MPZL1: variants seen among roughly 807,000 people sequenced by gnomAD.
MPZL1 encodes the protein myelin protein zero like 1.
MPZL1 carries 16 observed loss-of-function variants against 29.3 expected under a neutral mutation model. The observed-to-expected ratio is 0.55, with a 90% CI of 0.37 to 0.83. The LOEUF is 0.83. MPZL1 is among the 40% of genes least tolerant of loss of function. The pLI is 0.00. For missense variants in MPZL1, 279 were observed against 332.9 expected, an observed-to-expected ratio of 0.84 and a Z score of 1.26; for synonymous variants, 143 against 132.0, an observed-to-expected ratio of 1.08 and a Z score of -0.57.
At chr1:167,733,437 G>A (rs886792802) in intron 1 of MPZL1, among the ~76,000 whole-genome samples, 6 of 152,178 alleles carry the variant, frequency 3.9e-5, no homozygotes, top group African/African-American at 1.4e-4. Flanking sequence ...ACTTTTCACA[G>A]TCATGTGGTG....
intron 1 of MPZL1, among the ~76,000 whole-genome samples, chr1:167,730,459 AG>A (rs1361712435): frequency 2.0e-5 from 3 of 152,028 alleles, no homozygotes; most frequent in East Asian, 1.9e-4. Context: ...TTGTGTTTTT[AG>A]TAGAGACAGG....
chr1:167,776,289 G>A (rs1661367155), intron 5 of MPZL1, 123 bp downstream of exon 5: 5 of 608,116 alleles, frequency 8.2e-6, no homozygotes, highest in Middle Eastern at 2.8e-4. Context: ...GACAGACAGA[G>A]ACAAAGAGAG....
At chr1:167,764,766 A>AGG (rs1266736492) in intron 1 of MPZL1, among the ~76,000 whole-genome samples, 35 of 152,344 alleles carry the variant, frequency 2.3e-4, no homozygotes, top group Non-Finnish European at 4.4e-4. Flanking sequence ...TGAATGAATA[A>AGG]ACTGTGGTAC....
chr1:167,784,426 T>G (rs1490589995), intron 5 of MPZL1, among the ~76,000 whole-genome samples: 1 of 152,124 alleles, frequency 6.6e-6, no homozygotes, highest in East Asian at 1.9e-4. Context: ...TAGGTTAATG[T>G]AGGTTTTGTT....
At chr1:167,723,439 G>A (rs564330439) in intron 1 of MPZL1, among the ~76,000 whole-genome samples, 44 of 152,224 alleles carry the variant, frequency 2.9e-4, no homozygotes, top group Non-Finnish European at 5.3e-4. Context: ...GACAGATGAT[G>A]ACACACTTTG....
intron 1 of MPZL1, among the ~76,000 whole-genome samples, chr1:167,733,693 G>C (rs1258834317): frequency 6.6e-6 from 1 of 151,864 alleles, no homozygotes; most frequent in Non-Finnish European, 1.5e-5. Context: ...GCAGTGAGCT[G>C]AGATTGTGCC....
intron 1 of MPZL1, among the ~76,000 whole-genome samples, chr1:167,738,544 TG>T (rs2101754706): frequency 6.6e-6 from 1 of 152,308 alleles, no homozygotes; most frequent in South Asian, 2.1e-4. Flanking sequence ...CATTTTGAAT[TG>T]TAATCCCCAG....
intron 1 of MPZL1, among the ~76,000 whole-genome samples, chr1:167,760,318 T>A (rs1660956668): frequency 6.6e-6 from 1 of 151,924 alleles, no homozygotes; most frequent in Admixed American, 6.6e-5. Context: ...TTCTCCTGCC[T>A]CAGCCTTCCG....
chr1:167,755,728 A>G (rs1033972521), intron 1 of MPZL1, among the ~76,000 whole-genome samples: 9 of 152,172 alleles, frequency 5.9e-5, no homozygotes, highest in Non-Finnish European at 1.0e-4. Context: ...TGCGCTGTGG[A>G]AAGTCTCCTA....
intron 1 of MPZL1, among the ~76,000 whole-genome samples, chr1:167,750,762 G>A (rs1660739233): frequency 6.6e-6 from 1 of 152,164 alleles, no homozygotes; most frequent in African/African-American, 2.4e-5. Context: ...GAGTTTATTT[G>A]GATGATGCCC....
intron 1 of MPZL1, among the ~76,000 whole-genome samples, chr1:167,724,708 G>A (rs1207157705): frequency 3.9e-5 from 6 of 152,144 alleles, no homozygotes; most frequent in Admixed American, 6.5e-5. Flanking sequence ...TTTGAGATGC[G>A]GGTAAGACAT....
At chr1:167,766,701 A>C (rs1008901480) in intron 2 of MPZL1, among the ~76,000 whole-genome samples, 1 of 152,200 alleles carries the variant, frequency 6.6e-6, no homozygotes, top group African/African-American at 2.4e-5. Flanking sequence ...GGCCCATCAT[A>C]TGCCTATGCC....
intron 1 of MPZL1, among the ~76,000 whole-genome samples, chr1:167,736,444 C>T (rs1353184449): frequency 6.6e-6 from 1 of 152,150 alleles, no homozygotes; most frequent in African/African-American, 2.4e-5. Flanking sequence ...TGTCCAGAGG[C>T]ACCTCAAACT....
At chr1:167,743,886 G>A (rs1211974866) in intron 1 of MPZL1, among the ~76,000 whole-genome samples, 1 of 151,962 alleles carries the variant, frequency 6.6e-6, no homozygotes, top group Non-Finnish European at 1.5e-5. Flanking sequence ...TACTGATTTG[G>A]ATGCCCTTTA....
chr1:167,771,488 G>A lies in MPZL1; in HGVS notation c.259-787G>A, dbSNP rs145576097. ...AAAACCGCCATCGTCATCATGGCCC[G>A]TTCTCAATGGTCGCTGTCTCTTCGG... is the stretch of plus-strand genomic sequence containing the variant. On this transcript the variant is annotated intron_variant, in intron 2 of 5. Transcript: ENST00000359523. Among the ~76,000 whole-genome samples the A allele has an allele frequency of 7.0e-3, 1,058 of 152,168 alleles. 12 individuals carry two copies. The highest frequency in any genetic ancestry group is 0.025 in the African/African-American group (1,027 of 41,510).
chr1:167,731,133 G>T (rs147726494), intron 1 of MPZL1, among the ~76,000 whole-genome samples: 2 of 152,138 alleles, frequency 1.3e-5, no homozygotes, highest in Non-Finnish European at 2.9e-5. Flanking sequence ...TGAATAATAT[G>T]GATTTAAGAC....
chr1:167,773,624 C>G (rs1661298414), intron 4 of MPZL1: 7 of 339,168 alleles, frequency 2.1e-5, no homozygotes, highest in Non-Finnish European at 3.7e-5. Context: ...GCTCAGCAGT[C>G]TGTGCTCTGT....
chr1:167,777,241 A>G (rs560271965), intron 5 of MPZL1, among the ~76,000 whole-genome samples: 1 of 152,390 alleles, frequency 6.6e-6, no homozygotes, highest in South Asian at 2.1e-4. Flanking sequence ...AGCATCTAAA[A>G]AAGCATTGGA....
At chr1:167,757,120 A>G (rs143417317) in intron 1 of MPZL1, among the ~76,000 whole-genome samples, 17 of 152,352 alleles carry the variant, frequency 1.1e-4, no homozygotes, top group Middle Eastern at 3.4e-3. Context: ...GGTCCACAAT[A>G]GCAGCCCTGA....
Sources: gnomAD v4.1 joint callset for allele counts (sites outside exome capture counted in the v4.1 genomes callset) on GRCh38, gnomAD v4.1.1 for gene constraint, MANE v1.5 for transcripts, NCBI Gene and HGNC (gene_info 2026-07-23, HGNC 2026-07-21) for gene names.